The following NAV2 variants were observed in gnomAD, a reference collection of about 807,000 sequenced individuals.
The protein encoded by NAV2 is neuron navigator 2.
In NAV2, 54 loss-of-function variants were observed where a neutral mutation model predicts 223.2. That is an observed-to-expected ratio of 0.24 (90% CI 0.19 to 0.30). The LOEUF (loss-of-function observed/expected upper bound fraction) is 0.30, where lower values mean the gene tolerates loss of function less well. Ranked by LOEUF, NAV2 falls within the 10% of genes least tolerant of loss-of-function variation. The pLI, the probability that NAV2 is intolerant of heterozygous loss-of-function variation, is 1.00. For missense variants in NAV2, 2,806 were observed against 3,147.5 expected (o/e 0.89, Z 2.60); for synonymous variants, 1,279 against 1,239.3 (o/e 1.03, Z -0.67).
chr11:20,095,864 T>A, intron 30 of NAV2, 97 bp downstream of exon 30: 2 of 850,838 alleles, frequency 2.4e-6, no homozygotes, highest in Non-Finnish European at 4.1e-6. Context: ...CTTGGCCATT[T>A]CTCAGACCTG....
At chr11:19,907,530 GA>G (rs201080173) in intron 6 of NAV2, among the ~76,000 whole-genome samples, 448 of 24,532 alleles carry the variant, frequency 0.018, 1 homozygote, top group South Asian at 0.066. Context: ...CTCATAGGGG[GA>G]GGGGGAATTT....
chr11:19,921,930 ATGTG>A (rs200938968), intron 6 of NAV2, among the ~76,000 whole-genome samples: 8 of 151,136 alleles, frequency 5.3e-5, no homozygotes, highest in African/African-American at 1.9e-4. Context: ...ATTGCTATAT[ATGTG>A]TGTGTGTGTG....
At chr11:20,048,134 G>A (rs942178701) in intron 14 of NAV2, among the ~76,000 whole-genome samples, 2 of 152,146 alleles carry the variant, frequency 1.3e-5, no homozygotes, top group African/African-American at 4.8e-5. Context: ...GTATGTCACT[G>A]GATAAGTAAG....
At chr11:19,700,752 C>T (rs1590112059) in intron 1 of NAV2, among the ~76,000 whole-genome samples, 1 of 152,318 alleles carries the variant, frequency 6.6e-6, no homozygotes, top group East Asian at 1.9e-4. Flanking sequence ...GTCTTACCTG[C>T]TAACATAGCA....
chr11:20,027,236 G>A, intron 11 of NAV2: 1 of 982,960 alleles, frequency 1.0e-6, no homozygotes, highest in Non-Finnish European at 1.2e-6. Flanking sequence ...TCTTCCCCAG[G>A]GGTTACTACT....
At chr11:19,396,990 G>A (rs140746380) in intron 1 of NAV2, among the ~76,000 whole-genome samples, 11 of 152,282 alleles carry the variant, frequency 7.2e-5, no homozygotes, top group African/African-American at 2.6e-4. Flanking sequence ...GAGTGAGGGT[G>A]TAATGAATGT....
intron 1 of NAV2, among the ~76,000 whole-genome samples, chr11:19,819,276 G>C (rs572808007): frequency 6.6e-6 from 1 of 152,200 alleles, no homozygotes; most frequent in Non-Finnish European, 1.5e-5. Flanking sequence ...AATTCTGTTA[G>C]GAGTAGGCAA....
intron 1 of NAV2, among the ~76,000 whole-genome samples, chr11:19,363,704 G>A (rs940813323): frequency 2.0e-5 from 3 of 152,114 alleles, no homozygotes; most frequent in African/African-American, 4.8e-5. Flanking sequence ...CCACAAGACC[G>A]CCCCAATTTC....
chr11:19,996,965 C>T (rs2051960178), intron 11 of NAV2, among the ~76,000 whole-genome samples: 1 of 152,086 alleles, frequency 6.6e-6, no homozygotes, highest in Non-Finnish European at 1.5e-5. Context: ...TCTATTGGTA[C>T]CTCTTTCTTT....
chr11:19,704,449 A>G (rs1310488603), intron 1 of NAV2, among the ~76,000 whole-genome samples: 1 of 152,172 alleles, frequency 6.6e-6, no homozygotes, highest in Non-Finnish European at 1.5e-5. Flanking sequence ...GAGTCCAGGC[A>G]CTGGAGTCAA....
intron 6 of NAV2, 112 bp downstream of exon 6, chr11:19,892,706 A>C: frequency 8.6e-7 from 1 of 1,160,110 alleles, no homozygotes; most frequent in Non-Finnish European, 1.2e-6. Flanking sequence ...CTGTGTTGAG[A>C]ATGAGTTACA....
chr11:19,929,836 C>A (rs1396013910), intron 6 of NAV2, among the ~76,000 whole-genome samples: 1 of 152,162 alleles, frequency 6.6e-6, no homozygotes, highest in Non-Finnish European at 1.5e-5. Flanking sequence ...AGTCTCTGTC[C>A]TGGAGGAAAT....
intron 1 of NAV2, among the ~76,000 whole-genome samples, chr11:19,623,411 G>A (rs528832481): frequency 4.6e-5 from 7 of 152,260 alleles, no homozygotes; most frequent in African/African-American, 9.6e-5. Flanking sequence ...CCAATCAGAC[G>A]TAGATTTGGT....
At chr11:19,720,516 C>T (rs1161225614) in intron 1 of NAV2, among the ~76,000 whole-genome samples, 1 of 152,134 alleles carries the variant, frequency 6.6e-6, no homozygotes, top group Non-Finnish European at 1.5e-5. Flanking sequence ...TGGGTTATTC[C>T]AATCCTTCCG....
At chr11:19,930,961 G>T (rs1342073428) in intron 6 of NAV2, among the ~76,000 whole-genome samples, 2 of 152,216 alleles carry the variant, frequency 1.3e-5, no homozygotes, top group Non-Finnish European at 2.9e-5. Flanking sequence ...TGTTGTTTAA[G>T]TGGCTGTTTA....
chr11:19,390,948 T>C (rs912591519), intron 1 of NAV2, among the ~76,000 whole-genome samples: 10 of 152,152 alleles, frequency 6.6e-5, no homozygotes, highest in Non-Finnish European at 1.3e-4. Context: ...GTGATAACAC[T>C]ATCCCTTCCA....
chr11:19,648,573 C>A (rs748839745), intron 1 of NAV2, among the ~76,000 whole-genome samples: 2 of 152,166 alleles, frequency 1.3e-5, no homozygotes, highest in African/African-American at 2.4e-5. Flanking sequence ...TGGGATGGCT[C>A]TTATGTTTGT....
chr11:19,442,966 G>T (rs192277101), intron 1 of NAV2, among the ~76,000 whole-genome samples: 4 of 152,084 alleles, frequency 2.6e-5, no homozygotes, highest in Non-Finnish European at 5.9e-5. Flanking sequence ...ATGCAGTCCC[G>T]CCCAAAGAGG....
chr11:19,438,101 C>T (rs1564935629), intron 1 of NAV2, among the ~76,000 whole-genome samples: 1 of 152,198 alleles, frequency 6.6e-6, no homozygotes, highest in Non-Finnish European at 1.5e-5. Context: ...CCTCACCTGA[C>T]TTCTGATCCA....
Sources: allele counts gnomAD v4.1 joint callset (sites outside exome capture counted in the v4.1 genomes callset), GRCh38; gene constraint gnomAD v4.1.1; transcripts MANE v1.5; gene names NCBI Gene and HGNC (gene_info 2026-07-23, HGNC 2026-07-21).